Variants in KCNB2 observed in about 807,000 individuals in gnomAD.
KCNB2 encodes the protein potassium voltage-gated channel subfamily B member 2.
KCNB2 carries 15 observed loss-of-function variants against 61.5 expected under a neutral mutation model. That is an observed-to-expected ratio of 0.24 (90% CI 0.16 to 0.38). KCNB2 has a LOEUF of 0.38. Among genes scored for constraint, KCNB2 ranks in the 10% least tolerant of loss-of-function variants. KCNB2 has a pLI of 1.00. For synonymous variants in KCNB2, 457 were observed against 446.0 expected (o/e 1.02, Z -0.31); for missense variants, 828 against 1,125.2 (o/e 0.74, Z 3.78).
At chr8:72,740,197 A>G (rs979801190) in intron 2 of KCNB2, among the ~76,000 whole-genome samples, 3 of 152,218 alleles carry the variant, frequency 2.0e-5, no homozygotes, top group African/African-American at 7.2e-5. Flanking sequence ...AATTATTTGT[A>G]TGATGTTTGA....
intron 2 of KCNB2, among the ~76,000 whole-genome samples, chr8:72,643,249 G>T (rs1013373980): frequency 6.6e-6 from 1 of 152,128 alleles, no homozygotes; most frequent in South Asian, 2.1e-4. Flanking sequence ...GGCCATTATC[G>T]AACTTCTCGT....
At chr8:72,592,641 A>G (rs562744769) in intron 2 of KCNB2, among the ~76,000 whole-genome samples, 1 of 152,168 alleles carries the variant, frequency 6.6e-6, no homozygotes, top group Non-Finnish European at 1.5e-5. Flanking sequence ...TTCAAGAGTC[A>G]ATGTGCAATT....
intron 2 of KCNB2, among the ~76,000 whole-genome samples, chr8:72,832,955 G>A (rs1222665906): frequency 1.3e-5 from 2 of 152,190 alleles, no homozygotes; most frequent in African/African-American, 4.8e-5. Context: ...CCAGAACAAA[G>A]GCAGCCATGC....
At chr8:72,899,692 A>G (rs1276632891) in intron 2 of KCNB2, among the ~76,000 whole-genome samples, 2 of 152,172 alleles carry the variant, frequency 1.3e-5, no homozygotes, top group African/African-American at 2.4e-5. Context: ...GATCTCTACA[A>G]GGAGAACTAC....
At chr8:72,867,984 G>T (rs1424141706) in intron 2 of KCNB2, among the ~76,000 whole-genome samples, 1 of 151,542 alleles carries the variant, frequency 6.6e-6, no homozygotes, top group Non-Finnish European at 1.5e-5. Flanking sequence ...GAAATGATTG[G>T]TAAACATGGC....
intron 2 of KCNB2, among the ~76,000 whole-genome samples, chr8:72,636,323 T>A (rs917381642): frequency 6.6e-6 from 1 of 152,172 alleles, no homozygotes; most frequent in East Asian, 1.9e-4. Context: ...ATAGCAAATA[T>A]GTTATCCTAA....
At chr8:72,784,682 T>G (rs1179322950) in intron 2 of KCNB2, among the ~76,000 whole-genome samples, 6 of 152,166 alleles carry the variant, frequency 3.9e-5, no homozygotes. Context: ...AGAACTGCCT[T>G]CATGATCTAA....
intron 1 of KCNB2, among the ~76,000 whole-genome samples, chr8:72,540,500 A>G (rs559812869): frequency 8.9e-4 from 136 of 152,040 alleles, no homozygotes; most frequent in African/African-American, 3.2e-3. Context: ...GAGTTTTGTT[A>G]TTGTTGTTGT....
At chr8:72,889,430 G>A (rs1214204985) in intron 2 of KCNB2, among the ~76,000 whole-genome samples, 2 of 152,164 alleles carry the variant, frequency 1.3e-5, no homozygotes, top group African/African-American at 4.8e-5. Flanking sequence ...GCTCATACCT[G>A]TAATGCCAGC....
chr8:72,721,296 G>T (rs936717282), intron 2 of KCNB2, among the ~76,000 whole-genome samples: 2 of 152,196 alleles, frequency 1.3e-5, no homozygotes, highest in Admixed American at 6.5e-5. Context: ...GGGGGTTGCT[G>T]TCTTTGCTGG....
At chr8:72,557,960 A>G (rs1806454945) in intron 1 of KCNB2, among the ~76,000 whole-genome samples, 1 of 152,240 alleles carries the variant, frequency 6.6e-6, no homozygotes, top group Non-Finnish European at 1.5e-5. Flanking sequence ...GAGGCTATCC[A>G]TAATAACTGG....
intron 2 of KCNB2, among the ~76,000 whole-genome samples, chr8:72,706,374 C>T (rs1807223817): frequency 6.6e-6 from 1 of 152,130 alleles, no homozygotes; most frequent in African/African-American, 2.4e-5. Context: ...TGGTTTCAAA[C>T]CATCAAATAC....
chr8:72,701,405 C>T (rs77528338), intron 2 of KCNB2, among the ~76,000 whole-genome samples: 17 of 152,176 alleles, frequency 1.1e-4, no homozygotes, highest in South Asian at 4.2e-4. Context: ...TAGCAGTGGA[C>T]GTCATTTAAT....
chr8:72,767,995 A>G (rs1415385186), intron 2 of KCNB2, among the ~76,000 whole-genome samples: 4 of 152,094 alleles, frequency 2.6e-5, no homozygotes, highest in Non-Finnish European at 4.4e-5. Context: ...TCATGTGTTT[A>G]TTGGCCTTTG....
chr8:72,621,560 C>T (rs773332001), intron 2 of KCNB2, among the ~76,000 whole-genome samples: 18 of 151,914 alleles, frequency 1.2e-4, no homozygotes, highest in African/African-American at 3.1e-4. Context: ...TTTTAATGTT[C>T]GTGGGTACAT....
chr8:72,741,415 T>C (rs138580697), intron 2 of KCNB2, among the ~76,000 whole-genome samples: 135 of 152,280 alleles, frequency 8.9e-4, no homozygotes, highest in African/African-American at 3.1e-3. Context: ...ATATATTTCT[T>C]TTCTTATTAT....
rs980137372 is a variant in KCNB2 at position 72,659,516 on chromosome 8, T to G, written c.579+91203T>G. Among the ~76,000 whole-genome samples the G allele has an allele frequency of 3.3e-5, 5 of 152,250 alleles. No homozygotes were observed. The South Asian group carries it at 1.0e-3, about 31-fold the overall frequency. ...AAAAGATTAATTCCAATTTTGAAAGTCGTTCTACTGTTGGATAAAATGCTA... is the reference window on the plus strand; with the variant it reads ...AAAAGATTAATTCCAATTTTGAAAGGCGTTCTACTGTTGGATAAAATGCTA... On this transcript the variant is annotated intron_variant, in intron 2 of 2. Transcript: ENST00000523207.
chr8:72,764,037 G>A (rs1808424798), intron 2 of KCNB2, among the ~76,000 whole-genome samples: 1 of 152,116 alleles, frequency 6.6e-6, no homozygotes, highest in Non-Finnish European at 1.5e-5. Flanking sequence ...TAGTCCCACA[G>A]AGAAAGCCAC....
At chr8:72,541,579 G>GT (rs1229365384) in intron 1 of KCNB2, among the ~76,000 whole-genome samples, 2 of 152,118 alleles carry the variant, frequency 1.3e-5, no homozygotes, top group Non-Finnish European at 2.9e-5. Context: ...ATTTGGAACT[G>GT]TATCTTCTCA....
Sources: gnomAD v4.1 joint callset for allele counts (sites outside exome capture counted in the v4.1 genomes callset) on GRCh38, gnomAD v4.1.1 for gene constraint, MANE v1.5 for transcripts, NCBI Gene and HGNC (gene_info 2026-07-23, HGNC 2026-07-21) for gene names.